The following HOOK3 variants were observed in gnomAD, a reference collection of about 807,000 sequenced individuals.
HOOK3 encodes hook microtubule tethering protein 3.
Under a neutral mutation model 116.3 loss-of-function variants are expected in HOOK3, and 24 were observed. That is an observed-to-expected ratio of 0.21 (90% CI 0.15 to 0.29). HOOK3 has a LOEUF of 0.29. Among genes scored for constraint, HOOK3 ranks in the 10% least tolerant of loss-of-function variants. HOOK3 has a pLI of 1.00. For synonymous variants in HOOK3, 275 were observed against 283.0 expected (o/e 0.97, Z 0.28); for missense variants, 632 against 830.2 (o/e 0.76, Z 2.93).
intron 13 of HOOK3, among the ~76,000 whole-genome samples, chr8:42,975,492 G>A (rs1318050701): frequency 2.0e-5 from 3 of 152,168 alleles, no homozygotes; most frequent in African/African-American, 7.2e-5. Flanking sequence ...GCAAGGGCTG[G>A]TAGTGACGTA....
chr8:42,943,363 T>C lies in HOOK3; in HGVS notation c.318T>C (p.Ile106=). ...TTACCCTTCCTGATGTGAACCTTAT[T>C]GGGGAGCATTCTGATGCAGCAGAGC... ...NDFTLPDVNL[I]GEHSDAAELG... is the part of the protein sequence containing the mutation. Residue 106 remains isoleucine (I), a synonymous_variant, in exon 5 of 22, where the codon ATT becomes ATC. Transcript: ENST00000307602. 1 of 1,566,716 alleles carries C rather than the reference T, an allele frequency of 6.4e-7. No individual in the cohort carries two copies. The highest frequency in any genetic ancestry group is 8.7e-7 in the Non-Finnish European group (1 of 1,154,628).
chr8:42,897,460 C>T (rs1034005056), intron 1 of HOOK3, among the ~76,000 whole-genome samples: 7 of 152,094 alleles, frequency 4.6e-5, no homozygotes, highest in African/African-American at 1.4e-4. Flanking sequence ...TGGGGCTGCG[C>T]TGCGCTCTGG....
intron 21 of HOOK3, among the ~76,000 whole-genome samples, chr8:43,015,726 T>C (rs1164544055): frequency 1.3e-5 from 2 of 152,174 alleles, no homozygotes; most frequent in East Asian, 3.9e-4. Context: ...ATATTACTAT[T>C]ATTATTTTTT....
chr8:43,008,669 T>A (rs183053279), intron 18 of HOOK3, among the ~76,000 whole-genome samples: 143 of 131,018 alleles, frequency 1.1e-3, no homozygotes, highest in East Asian at 5.1e-3. Flanking sequence ...TTTTATTTTT[T>A]TTTTTTTTGA....
chr8:42,977,771 G>A (rs1808855975), intron 13 of HOOK3, among the ~76,000 whole-genome samples: 1 of 152,212 alleles, frequency 6.6e-6, no homozygotes, highest in East Asian at 1.9e-4. Flanking sequence ...AGAGGCTAAG[G>A]CACAAAAATT....
intron 11 of HOOK3, among the ~76,000 whole-genome samples, chr8:42,970,350 G>A (rs924803899): frequency 3.9e-5 from 6 of 152,144 alleles, no homozygotes; most frequent in Admixed American, 6.5e-5. Flanking sequence ...ATTTTGATAG[G>A]TGGTAGTGCA....
At chr8:42,941,680 T>C (rs554116579) in intron 4 of HOOK3, among the ~76,000 whole-genome samples, 1 of 152,272 alleles carries the variant, frequency 6.6e-6, no homozygotes, top group East Asian at 1.9e-4. Context: ...TTTTCCTTAT[T>C]ATTTAGAATA....
intron 13 of HOOK3, among the ~76,000 whole-genome samples, chr8:42,976,831 A>G (rs1323036279): frequency 6.6e-6 from 1 of 152,188 alleles, no homozygotes; most frequent in African/African-American, 2.4e-5. Context: ...CGGGAGGCAG[A>G]GCTTGCAGTG....
chr8:42,940,781 T>A (rs1291114482), intron 4 of HOOK3, among the ~76,000 whole-genome samples: 1 of 152,232 alleles, frequency 6.6e-6, no homozygotes, highest in African/African-American at 2.4e-5. Context: ...ATTTCCTGAA[T>A]TTGAACGTTG....
intron 2 of HOOK3, among the ~76,000 whole-genome samples, chr8:42,919,448 C>T (rs1388666558): frequency 1.3e-5 from 2 of 150,778 alleles, no homozygotes; most frequent in Non-Finnish European, 3.0e-5. Flanking sequence ...AGACGCTCCT[C>T]ACTTCCCAGA....
At chr8:42,897,320 C>G (rs1042533998) in intron 1 of HOOK3, 132 bp downstream of exon 1, 2 of 512,752 alleles carry the variant, frequency 3.9e-6, no homozygotes, top group Admixed American at 8.9e-5. Flanking sequence ...GCGGGCGGGG[C>G]GAGGAGGCTC....
At chr8:42,940,840 G>C (rs184804460) in intron 4 of HOOK3, among the ~76,000 whole-genome samples, 1 of 152,308 alleles carries the variant, frequency 6.6e-6, no homozygotes, top group East Asian at 1.9e-4. Context: ...ATCCTGAAGA[G>C]TGTTTTCCAA....
At position 42,997,268 on chromosome 8, in the gene HOOK3, T is replaced by G. The variant is rs146164340; in HGVS notation, c.1533-282T>G. On this transcript the variant is annotated intron_variant, in intron 15 of 21. Transcript: ENST00000307602. ...AGACATAGTCTTCATAAACATGTAT[T>G]GAAGTGAATTTCAGAGAAATTAATA... Among the ~76,000 whole-genome samples the G allele has an allele frequency of 2.6e-5, 4 of 152,290 alleles. No homozygotes were observed. The South Asian group carries it at 6.2e-4, about 24-fold the overall frequency.
intron 4 of HOOK3, among the ~76,000 whole-genome samples, chr8:42,938,217 C>CTTTTTTTTTTTTTTTTTTTTTTTT (rs145868661): frequency 7.6e-6 from 1 of 132,294 alleles, no homozygotes; most frequent in Non-Finnish European, 1.6e-5. Context: ...GCAACCCCTG[C>CTTTTTTTTTTTTTTTTTTTTTTTT]TTTTTTTTTT....
chr8:43,018,876 A>G lies in HOOK3; in HGVS notation c.*378A>G. The stretch of plus-strand genomic sequence containing the variant: ...TTCTTTATTGTGCCTGTGTGTTACC[A>G]TGCTAAGAATGTCTTTGTTTAAAGG... On this transcript the variant is annotated 3_prime_UTR_variant, in exon 22 of 22. Coordinates refer to ENST00000307602, the MANE Select transcript of HOOK3 (RefSeq NM_032410.4). 1 of 232,388 alleles carries G rather than the reference A, an allele frequency of 4.3e-6. No individual in the cohort carries two copies. The highest frequency in any genetic ancestry group is 8.5e-6 in the Non-Finnish European group (1 of 117,732). 14.4% of individuals were successfully genotyped at this position (232,388 alleles called of 1,614,324 possible).
At chr8:42,903,279 C>T (rs1000641120) in intron 1 of HOOK3, among the ~76,000 whole-genome samples, 4 of 151,822 alleles carry the variant, frequency 2.6e-5, no homozygotes, top group Non-Finnish European at 5.9e-5. Context: ...CCGTCTCTAC[C>T]TGCAAAACTC....
intron 5 of HOOK3, among the ~76,000 whole-genome samples, chr8:42,947,411 A>C (rs1014184351): frequency 1.3e-4 from 20 of 152,332 alleles, no homozygotes; most frequent in Non-Finnish European, 2.2e-4. Flanking sequence ...AATTGTATTT[A>C]CTACAGAATA....
At chr8:42,990,356 T>G (rs1809136739) in intron 15 of HOOK3, among the ~76,000 whole-genome samples, 1 of 115,874 alleles carries the variant, frequency 8.6e-6, no homozygotes, top group Non-Finnish European at 1.7e-5. Flanking sequence ...TTTTTTTTTT[T>G]TTTTTTGAGG....
At chr8:42,964,124 G>A (rs758976549) in intron 8 of HOOK3, among the ~76,000 whole-genome samples, 187 bp from the exon 9 acceptor site, 16 of 152,276 alleles carry the variant, frequency 1.1e-4, no homozygotes, top group South Asian at 4.1e-4. Flanking sequence ...AAAGAATGGC[G>A]TGAACCCAGG....
Sources: allele counts gnomAD v4.1 joint callset (sites outside exome capture counted in the v4.1 genomes callset), GRCh38; gene constraint gnomAD v4.1.1; transcripts MANE v1.5; gene names NCBI Gene and HGNC (gene_info 2026-07-23, HGNC 2026-07-21).